HRH2: variants seen among roughly 807,000 people sequenced by gnomAD.
HRH2 encodes the protein histamine H2 receptor.
Under a neutral mutation model 20.1 loss-of-function variants are expected in HRH2, and 4 were observed. The observed-to-expected ratio is 0.20, with a 90% CI of 0.10 to 0.45. The LOEUF (loss-of-function observed/expected upper bound fraction) is 0.45. HRH2 is among the 20% of genes least tolerant of loss of function. The probability of loss-of-function intolerance (pLI) is 0.99; values close to 1 mark genes in which losing one functional copy is unlikely to be tolerated. For synonymous variants in HRH2, 197 were observed against 200.7 expected (o/e 0.98, Z 0.16); for missense variants, 250 against 461.6 (o/e 0.54, Z 4.20).
Position 175,687,284 on chromosome 5 carries a change from C to T in HRH2, c.1076+2975C>T, listed in dbSNP as rs994781732. 6.6e-6 allele frequency among the ~76,000 whole-genome samples: 1 copy of T among 152,162 alleles called. No individual in the cohort carries two copies. Among genetic ancestry groups the T allele is most frequent in the African/African-American group, 2.4e-5 (1 of 41,438 alleles). ...CTCGTGTGTCCCTCGATAAGCTCGG[C>T]TGCCAGTTTCCCTGCTGGCTGATAG... is the stretch of plus-strand genomic sequence containing the variant. On this transcript the variant is annotated intron_variant, in intron 2 of 2. Coordinates refer to ENST00000636584, the MANE Select transcript of HRH2 (RefSeq NM_001367711.1). This position sits in a 1 kb window ranked among gnomAD's most constrained non-coding sequence, Gnocchi z 5.2.
At chr5:175,700,124 C>T (rs1288019545) in intron 2 of HRH2, among the ~76,000 whole-genome samples, 2 of 152,184 alleles carry the variant, frequency 1.3e-5, no homozygotes, top group Non-Finnish European at 2.9e-5. Flanking sequence ...CTCACACCTC[C>T]TCCTATTCAC....
chr5:175,676,472 C>A (rs764469578), intron 1 of HRH2, among the ~76,000 whole-genome samples: 10 of 152,200 alleles, frequency 6.6e-5, no homozygotes, highest in Non-Finnish European at 1.2e-4. Flanking sequence ...TTGGGACCAC[C>A]ACACCCTGTT....
intron 1 of HRH2, among the ~76,000 whole-genome samples, chr5:175,663,402 G>T (rs1762794484): frequency 6.6e-6 from 1 of 152,088 alleles, no homozygotes; most frequent in African/African-American, 2.4e-5. Flanking sequence ...TTTCCCTGAG[G>T]GCTAATGACT....
chr5:175,691,204 C>T (rs908092264), intron 2 of HRH2: 3 of 152,366 alleles, frequency 2.0e-5, no homozygotes, highest in East Asian at 3.8e-4. Context: ...AGTTAATCCT[C>T]TTCCTCTTTG....
At chr5:175,658,502 T>C (rs1762634887) in intron 1 of HRH2, among the ~76,000 whole-genome samples, 1 of 152,102 alleles carries the variant, frequency 6.6e-6, no homozygotes, top group African/African-American at 2.4e-5. Context: ...GAAGGGTGGA[T>C]TTGGAAAGTG....
intron 2 of HRH2, among the ~76,000 whole-genome samples, chr5:175,692,821 C>T (rs1756431958): frequency 6.6e-6 from 1 of 152,176 alleles, no homozygotes; most frequent in Non-Finnish European, 1.5e-5. Context: ...GCGTGCCAAC[C>T]CCCCAACTGT....
intron 2 of HRH2, among the ~76,000 whole-genome samples, chr5:175,695,927 G>T (rs1756561473): frequency 6.6e-6 from 1 of 152,232 alleles, no homozygotes; most frequent in Non-Finnish European, 1.5e-5. Flanking sequence ...AAAGAAACTG[G>T]CACGGCGATT....
chr5:175,702,151 C>T (rs1756806213), intron 2 of HRH2, among the ~76,000 whole-genome samples: 2 of 152,062 alleles, frequency 1.3e-5, no homozygotes, highest in Admixed American at 6.5e-5. Context: ...GCTAAATATG[C>T]ATGTCAAAAT....
At position 175,683,108 on chromosome 5, in the gene HRH2, A is replaced by C. The variant is rs1478733566; in HGVS notation, c.-126A>C. ...CCCCTGGCCAAAAAAAAAAAAAAAAAAAAACTGGACACATTTTGGATCTGT... is the reference window on the plus strand; with the variant it reads ...CCCCTGGCCAAAAAAAAAAAAAAAACAAAACTGGACACATTTTGGATCTGT... On this transcript the variant is annotated 5_prime_UTR_variant, in exon 2 of 3. Coordinates refer to ENST00000636584, the MANE Select transcript of HRH2 (RefSeq NM_001367711.1). The C allele has an allele frequency of 5.5e-6, 7 of 1,283,046 alleles. No individual in the cohort carries two copies. Among genetic ancestry groups the C allele is most frequent in the South Asian group, 1.5e-5 (1 of 65,490 alleles). The allele number at this position is 1,283,046 out of a possible 1,614,324, so 79.5% of individuals were successfully genotyped here.
intron 2 of HRH2, among the ~76,000 whole-genome samples, chr5:175,684,608 G>C (rs1756103764): frequency 6.6e-6 from 1 of 152,204 alleles, no homozygotes; most frequent in Admixed American, 6.5e-5. Context: ...CCAGCTACGT[G>C]GTCCTTACAA....
intron 2 of HRH2, among the ~76,000 whole-genome samples, chr5:175,705,638 C>G (rs756309572): frequency 3.9e-5 from 6 of 151,946 alleles, no homozygotes; most frequent in Non-Finnish European, 7.4e-5. Context: ...GGACTACCTA[C>G]CCCTACAGGT....
intron 1 of HRH2, among the ~76,000 whole-genome samples, chr5:175,675,432 G>A (rs1755722294): frequency 6.6e-6 from 1 of 152,228 alleles, no homozygotes; most frequent in African/African-American, 2.4e-5. Flanking sequence ...GAAGAGGTTG[G>A]CGGGGGCCAA....
rs2113490063 is a variant in HRH2, at chr5:175,671,462, T to A, written c.-525-11247T>A. ...AGGGAGGAAGAGACAGTGTTGTCAG[T>A]GGCAGTGCTGGTATCCAGTTCATGT... On this transcript the variant is annotated intron_variant, in intron 1 of 2. Coordinates refer to ENST00000636584, the MANE Select transcript of HRH2 (RefSeq NM_001367711.1). 1.3e-5 allele frequency among the ~76,000 whole-genome samples: 2 copies of A among 152,286 alleles called. 1 individual carries two copies. Among genetic ancestry groups the A allele is most frequent in the South Asian group, 4.1e-4 (2 of 4,826 alleles).
chr5:175,694,434 C>T (rs1016556858), intron 2 of HRH2, among the ~76,000 whole-genome samples: 1 of 152,136 alleles, frequency 6.6e-6, no homozygotes, highest in Non-Finnish European at 1.5e-5. Context: ...ATGGCACCTG[C>T]GTGGACATAG....
At chr5:175,688,535 T>G (rs888621594) in intron 2 of HRH2, among the ~76,000 whole-genome samples, 1 of 152,246 alleles carries the variant, frequency 6.6e-6, no homozygotes, top group Non-Finnish European at 1.5e-5. Flanking sequence ...AATGTTACTC[T>G]ACAGCAGGCG....
chr5:175,681,037 AATGTCAGCCTG>A lies in HRH2; in HGVS notation c.-525-1668_-525-1658del, dbSNP rs1755947986. Among the ~76,000 whole-genome samples, 1 of 152,170 alleles carries A rather than the reference AATGTCAGCCTG, an allele frequency of 6.6e-6. No individual in the cohort carries two copies. Among genetic ancestry groups the A allele is most frequent in the Admixed American group, 6.5e-5 (1 of 15,278 alleles). ...GACCCCTCATCCAAACATGAACTCA[AATGTCAGCCTG>A]ATGCCAAAATACCTATACCCGGCTG... On this transcript the variant is annotated intron_variant, in intron 1 of 2. Coordinates refer to ENST00000636584, the MANE Select transcript of HRH2 (RefSeq NM_001367711.1). The surrounding 1 kb of genome is among the most constrained non-coding windows in gnomAD (Gnocchi z 4.3).
chr5:175,694,972 C>G (rs191146263), intron 2 of HRH2, among the ~76,000 whole-genome samples: 2 of 152,252 alleles, frequency 1.3e-5, no homozygotes, highest in African/African-American at 2.4e-5. Context: ...CATTGACACT[C>G]TCTCCACCGT....
intron 1 of HRH2, among the ~76,000 whole-genome samples, chr5:175,671,018 T>G (rs1755517136): frequency 6.6e-6 from 1 of 152,202 alleles, no homozygotes; most frequent in South Asian, 2.1e-4. Flanking sequence ...AATAACAAGG[T>G]ATGCTAAGTG....
chr5:175,688,576 A>C (rs1756256251), intron 2 of HRH2, among the ~76,000 whole-genome samples: 1 of 152,004 alleles, frequency 6.6e-6, no homozygotes, highest in South Asian at 2.1e-4. Context: ...CCAGCAGGGG[A>C]CTCCCAGAAA....
Sources: allele counts gnomAD v4.1 joint callset (sites outside exome capture counted in the v4.1 genomes callset), GRCh38; gene constraint gnomAD v4.1.1; non-coding constraint Gnocchi (gnomAD v3.1); transcripts MANE v1.5; gene names NCBI Gene and HGNC (gene_info 2026-07-23, HGNC 2026-07-21).